ANGPT1: variants seen among roughly 807,000 people sequenced by gnomAD.
ANGPT1 encodes angiopoietin-1.
A neutral mutation model predicts 62.2 loss-of-function variants in ANGPT1; 17 were observed. The ratio of observed to expected loss-of-function variants is 0.27; its 90% CI spans 0.19 to 0.41. The LOEUF (loss-of-function observed/expected upper bound fraction) is 0.41. Ranked by LOEUF, ANGPT1 falls within the 10% of genes least tolerant of loss-of-function variation. The probability of loss-of-function intolerance (pLI) is 1.00; values close to 1 mark genes in which losing one functional copy is unlikely to be tolerated. For missense variants in ANGPT1, 478 were observed against 594.9 expected (o/e 0.80, Z 2.04); for synonymous variants, 199 against 198.9 (o/e 1.00, Z 0.00).
chr8:107,464,385 T>A (rs1364239585), intron 1 of ANGPT1, among the ~76,000 whole-genome samples: 1 of 152,156 alleles, frequency 6.6e-6, no homozygotes, highest in Non-Finnish European at 1.5e-5. Context: ...AGTCTTCAAA[T>A]CTTGACTATT....
intron 1 of ANGPT1, among the ~76,000 whole-genome samples, chr8:107,468,361 CATTAA>C (rs1216526647): frequency 6.6e-6 from 1 of 151,944 alleles, no homozygotes; most frequent in East Asian, 1.9e-4. Flanking sequence ...ATAATAAATA[CATTAA>C]ATTAAATTAA....
intron 1 of ANGPT1, among the ~76,000 whole-genome samples, chr8:107,348,168 C>T (rs1815853063): frequency 6.6e-6 from 1 of 152,166 alleles, no homozygotes; most frequent in African/African-American, 2.4e-5. Flanking sequence ...AACTCTCATA[C>T]CAACACTTTC....
At chr8:107,352,786 C>A (rs1174657082) in intron 1 of ANGPT1, among the ~76,000 whole-genome samples, 1 of 151,948 alleles carries the variant, frequency 6.6e-6, no homozygotes, top group African/African-American at 2.4e-5. Context: ...GTGCATATGG[C>A]ATTACTCAGT....
intron 2 of ANGPT1, chr8:107,336,531 A>G (rs951884264): frequency 2.0e-4 from 60 of 306,880 alleles, no homozygotes; most frequent in Admixed American, 5.4e-4. Context: ...CGGGCGTGGT[A>G]GCGGGCGCCT....
chr8:107,279,805 A>G (rs1323341419), intron 7 of ANGPT1, among the ~76,000 whole-genome samples: 1 of 152,034 alleles, frequency 6.6e-6, no homozygotes, highest in African/African-American at 2.4e-5. Flanking sequence ...AGTTAAAGAT[A>G]GTTAACAGTC....
At chr8:107,387,529 T>C (rs1816754073) in intron 1 of ANGPT1, among the ~76,000 whole-genome samples, 2 of 152,054 alleles carry the variant, frequency 1.3e-5, no homozygotes, top group Non-Finnish European at 1.5e-5. Context: ...ATATTACCAA[T>C]GGTACAATAG....
At chr8:107,331,323 T>C in intron 3 of ANGPT1, among the ~76,000 whole-genome samples, 1 of 152,182 alleles carries the variant, frequency 6.6e-6, no homozygotes, top group East Asian at 1.9e-4. Context: ...ATAAGTTCAG[T>C]GAATTCCCAA....
chr8:107,382,573 T>C (rs1388756776), intron 1 of ANGPT1, among the ~76,000 whole-genome samples: 1 of 152,098 alleles, frequency 6.6e-6, no homozygotes, highest in East Asian at 1.9e-4. Context: ...TTTCCCATTT[T>C]CCATGGCATA....
At chr8:107,332,724 T>C (rs887227394) in intron 3 of ANGPT1, among the ~76,000 whole-genome samples, 4 of 152,170 alleles carry the variant, frequency 2.6e-5, no homozygotes, top group Non-Finnish European at 1.5e-5. Flanking sequence ...TCAAACCTGG[T>C]AAGTCCCACA....
chr8:107,366,983 CCAA>C (rs539018624), intron 1 of ANGPT1, among the ~76,000 whole-genome samples: 2 of 152,182 alleles, frequency 1.3e-5, no homozygotes, highest in South Asian at 4.1e-4. Flanking sequence ...CTGAGGCCTT[CCAA>C]CAACAACGGG....
intron 7 of ANGPT1, among the ~76,000 whole-genome samples, chr8:107,266,322 C>T (rs1813613337): frequency 6.6e-6 from 1 of 152,104 alleles, no homozygotes; most frequent in Admixed American, 6.5e-5. Flanking sequence ...GGTCCTCAGC[C>T]TCCCAAAGAT....
At chr8:107,289,792 G>A (rs1234669494) in intron 6 of ANGPT1, among the ~76,000 whole-genome samples, 6 of 152,090 alleles carry the variant, frequency 3.9e-5, no homozygotes, top group Non-Finnish European at 8.8e-5. Flanking sequence ...AATAAAGCAA[G>A]TTTGCCTCCA....
chr8:107,438,107 C>T (rs1811377256), intron 1 of ANGPT1, among the ~76,000 whole-genome samples: 1 of 152,150 alleles, frequency 6.6e-6, no homozygotes, highest in African/African-American at 2.4e-5. Context: ...TTACCCAAGT[C>T]TAGGAAGGAA....
chr8:107,301,072 G>T (rs1055606810), intron 5 of ANGPT1, among the ~76,000 whole-genome samples: 4 of 151,808 alleles, frequency 2.6e-5, no homozygotes, highest in African/African-American at 9.7e-5. Flanking sequence ...GGTTATATAT[G>T]AACTAAAGTC....
chr8:107,461,445 A>G (rs1812069220), intron 1 of ANGPT1, among the ~76,000 whole-genome samples: 1 of 152,126 alleles, frequency 6.6e-6, no homozygotes. Flanking sequence ...ATCACATTTT[A>G]ATTTGTCCAA....
intron 1 of ANGPT1, among the ~76,000 whole-genome samples, chr8:107,352,801 A>G (rs1815961085): frequency 6.6e-6 from 1 of 152,218 alleles, no homozygotes; most frequent in Non-Finnish European, 1.5e-5. Flanking sequence ...CTCAGTTATG[A>G]CAAAACAACC....
At chr8:107,379,134 T>G (rs540707019) in intron 1 of ANGPT1, among the ~76,000 whole-genome samples, 40 of 152,166 alleles carry the variant, frequency 2.6e-4, no homozygotes, top group African/African-American at 9.2e-4. Context: ...GGGAGATATA[T>G]TTTTTCATGA....
At chr8:107,403,085 G>C (rs145565501) in intron 1 of ANGPT1, among the ~76,000 whole-genome samples, 106 of 152,280 alleles carry the variant, frequency 7.0e-4, no homozygotes, top group African/African-American at 2.4e-3. Context: ...AGCTTCTAGA[G>C]TGTGTTCAGT....
intron 1 of ANGPT1, among the ~76,000 whole-genome samples, chr8:107,363,161 T>G (rs1468172655): frequency 6.6e-6 from 1 of 152,070 alleles, no homozygotes; most frequent in Non-Finnish European, 1.5e-5. Context: ...AGATAAATAT[T>G]TCTCATCAGT....
Sources: allele counts gnomAD v4.1 joint callset (sites outside exome capture counted in the v4.1 genomes callset), GRCh38; gene constraint gnomAD v4.1.1; transcripts MANE v1.5; gene names NCBI Gene and HGNC (gene_info 2026-07-23, HGNC 2026-07-21).